KLHL13: variants seen among roughly 807,000 people sequenced by gnomAD.
KLHL13 encodes kelch-like protein 13.
A neutral mutation model predicts 37.1 loss-of-function variants in KLHL13; 10 were observed. The ratio of observed to expected loss-of-function variants is 0.27; its 90% CI spans 0.17 to 0.46. The LOEUF is 0.46. KLHL13 is among the 20% of genes least tolerant of loss of function. KLHL13 has a pLI of 1.00. For synonymous variants in KLHL13, 163 were observed against 181.2 expected (o/e 0.90, Z 0.81); for missense variants, 360 against 509.3 (o/e 0.71, Z 2.82).
At chrX:118,047,300 C>T (rs751724296) in intron 1 of KLHL13, among the ~76,000 whole-genome samples, 64 of 111,679 alleles carry the variant, frequency 5.7e-4, no homozygotes, top group African/African-American at 2.0e-3. Context: ...GCAAGCAGCA[C>T]CCAAATATCA....
chrX:118,049,263 CAGAA>C (rs1343873466), intron 1 of KLHL13, among the ~76,000 whole-genome samples: 1 of 111,461 alleles, frequency 9.0e-6, no homozygotes, highest in Non-Finnish European at 1.9e-5. Flanking sequence ...AGAAAACTGA[CAGAA>C]AGGATTAGTG....
chrX:117,972,930 C>T, exon 1 of KLHL13: 2 of 1,113,341 alleles, frequency 1.8e-6, no homozygotes, highest in East Asian at 3.2e-5. Flanking sequence ...GTGGCTGCCG[C>T]GGAGAACAAG....
rs6646054 is a variant in KLHL13 at position 118,052,404 on chromosome X, T to A, written c.-56+64104A>T. 5.8e-3 allele frequency among the ~76,000 whole-genome samples: 601 copies of A among 103,138 alleles called. 4 individuals are homozygous for A. Among genetic ancestry groups the A allele is most frequent in the African/African-American group, 0.019 (517 of 27,736 alleles). The allele number at this position is 103,138 out of a possible 115,157, so 89.6% of individuals were successfully genotyped here. On this transcript the variant is annotated intron_variant, in intron 1 of 6. Coordinates refer to the KLHL13 transcript ENST00000371882. The stretch of plus-strand genomic sequence containing the variant: ...CAGGCGTGGTGGCAGGCGCCTATAG[T>A]CCCAGCTAGGCGGGAGGCTGAGGCA...
intron 1 of KLHL13, among the ~76,000 whole-genome samples, chrX:118,069,315 G>C (rs1033528898): frequency 4.6e-5 from 5 of 107,592 alleles, no homozygotes; most frequent in Admixed American, 3.0e-4. Context: ...AGTGAGATAA[G>C]ATGTGTAAGT....
At chrX:118,085,264 G>C (rs1038542868) in intron 1 of KLHL13, among the ~76,000 whole-genome samples, 1 of 110,767 alleles carries the variant, frequency 9.0e-6, no homozygotes, top group African/African-American at 3.3e-5. Flanking sequence ...TATGCTAAGG[G>C]AAAGAAGCCA....
At chrX:117,966,176 C>G (rs140711769) in intron 1 of KLHL13, among the ~76,000 whole-genome samples, 1,962 of 112,022 alleles carry the variant, frequency 0.018, 39 homozygotes, top group African/African-American at 0.059. Context: ...AGCCCAAAAT[C>G]TCCTTCAGCA....
At chrX:118,108,218 C>T (rs973031338) in intron 1 of KLHL13, among the ~76,000 whole-genome samples, 3 of 112,087 alleles carry the variant, frequency 2.7e-5, no homozygotes, top group Admixed American at 9.5e-5. Context: ...TGTAAAAGCA[C>T]TTCACCTGTA....
chrX:117,997,810 T>C (rs2053872289), intron 1 of KLHL13, among the ~76,000 whole-genome samples: 1 of 111,902 alleles, frequency 8.9e-6, no homozygotes, highest in South Asian at 3.7e-4. Context: ...TATTGATGTA[T>C]CTATTTTACT....
rs147033152 is a variant in KLHL13, at chrX:118,069,317, T to C, written c.-56+47191A>G. ...CTGAAGACCTTCCAGTGAGATAAGA[T>C]GTGTAAGTGGAAGGCAGTGAAATTG... is the stretch of plus-strand genomic sequence containing the variant. On this transcript the variant is annotated intron_variant, in intron 1 of 6. Coordinates refer to the KLHL13 transcript ENST00000371882. Among the ~76,000 whole-genome samples the C allele has an allele frequency of 1.9e-3, 201 of 107,726 alleles. 1 individual carries two copies. The East Asian group carries it at 0.022, about 12-fold the overall frequency. 93.5% of individuals were successfully genotyped at this position (107,726 alleles called of 115,157 possible).
At chrX:118,053,221 C>G (rs2054636195) in intron 1 of KLHL13, among the ~76,000 whole-genome samples, 1 of 111,944 alleles carries the variant, frequency 8.9e-6, no homozygotes, top group Non-Finnish European at 1.9e-5. Context: ...TTCACAATAG[C>G]AAAGACTTGG....
At chrX:117,918,510 A>G (rs1419461724) in intron 4 of KLHL13, among the ~76,000 whole-genome samples, 2 of 111,709 alleles carry the variant, frequency 1.8e-5, no homozygotes, top group Non-Finnish European at 3.8e-5. Flanking sequence ...TAGAAAATAT[A>G]CCAAAAATTA....
At chrX:117,908,407 AG>A (rs1569411181) in intron 5 of KLHL13, among the ~76,000 whole-genome samples, 6 of 108,092 alleles carry the variant, frequency 5.6e-5, no homozygotes, top group Non-Finnish European at 9.6e-5. Context: ...CCCCAACCCC[AG>A]ACAGGCCCTG....
At chrX:117,917,096 C>T (rs73595631) in intron 4 of KLHL13, among the ~76,000 whole-genome samples, 2,568 of 111,040 alleles carry the variant, frequency 0.023, 77 homozygotes, top group African/African-American at 0.079. Flanking sequence ...AAACAGAATG[C>T]ATGAAAGAAG....
At chrX:118,002,634 AT>A (rs1455019262) in intron 1 of KLHL13, among the ~76,000 whole-genome samples, 5 of 108,011 alleles carry the variant, frequency 4.6e-5, no homozygotes, top group African/African-American at 1.7e-4. Flanking sequence ...AAATAAATAA[AT>A]AAATAAATAA....
At chrX:117,927,460 T>C (rs1279906819) in intron 2 of KLHL13, among the ~76,000 whole-genome samples, 1 of 112,224 alleles carries the variant, frequency 8.9e-6, no homozygotes, top group Non-Finnish European at 1.9e-5. Flanking sequence ...TCTCTTTGTC[T>C]TTGGGCCAAG....
At chrX:118,095,622 A>G (rs1328429335) in intron 1 of KLHL13, among the ~76,000 whole-genome samples, 2 of 111,661 alleles carry the variant, frequency 1.8e-5, no homozygotes, top group Non-Finnish European at 3.8e-5. Flanking sequence ...CTATTCCAAA[A>G]TTGACCACAT....
In KLHL13 at chrX:118,032,050, G is replaced by A. The variant is rs182438478; in HGVS notation, c.-56+84458C>T. On this transcript the variant is annotated intron_variant, in intron 1 of 6. Coordinates refer to the KLHL13 transcript ENST00000371882. ...TTTTCCGACGGGCTTAAAAAACAGC[G>A]CACCAGGAGATTATATCCAGCACCT... Among the ~76,000 whole-genome samples the A allele has an allele frequency of 8.2e-3, 916 of 111,339 alleles. 7 individuals carry two copies. Among genetic ancestry groups the A allele is most frequent in the African/African-American group, 0.028 (851 of 30,669 alleles).
chrX:118,040,733 G>C (rs1439929802), intron 1 of KLHL13, among the ~76,000 whole-genome samples: 1 of 111,341 alleles, frequency 9.0e-6, no homozygotes, highest in Non-Finnish European at 1.9e-5. Context: ...AGTAGATTTA[G>C]CTCAAAGAAG....
intron 1 of KLHL13, among the ~76,000 whole-genome samples, chrX:117,979,381 T>C (rs2053633690): frequency 1.8e-5 from 2 of 112,028 alleles, no homozygotes; most frequent in South Asian, 7.5e-4. Flanking sequence ...AAAGAGGCCA[T>C]GCTATTACCA....
Sources: gnomAD v4.1 joint callset for allele counts (sites outside exome capture counted in the v4.1 genomes callset) on GRCh38, gnomAD v4.1.1 for gene constraint, MANE v1.5 for transcripts, NCBI Gene and HGNC (gene_info 2026-07-23, HGNC 2026-07-21) for gene names.